UBE2L3: variants seen among roughly 807,000 people sequenced by gnomAD.
UBE2L3 encodes the protein ubiquitin conjugating enzyme E2 L3.
Under a neutral mutation model 17.8 loss-of-function variants are expected in UBE2L3, and 1 was observed. The observed-to-expected ratio is 0.06, with a 90% CI of 0.02 to 0.27. The LOEUF is 0.27. UBE2L3 is among the 10% of genes least tolerant of loss of function. The pLI is 1.00. For synonymous variants in UBE2L3, 44 were observed against 68.5 expected (o/e 0.64, Z 1.76); for missense variants, 40 against 192.6 (o/e 0.21, Z 4.69).
intron 2 of UBE2L3, among the ~76,000 whole-genome samples, chr22:21,603,907 ATTTTTTTTT>A (rs144747629): frequency 5.4e-5 from 6 of 111,326 alleles, no homozygotes; most frequent in Admixed American, 3.1e-4. Flanking sequence ...GTGTTTTTTG[ATTTTTTTTT>A]TTTTTTTTTT....
At chr22:21,589,761 A>G (rs188501500) in intron 1 of UBE2L3, among the ~76,000 whole-genome samples, 1 of 152,246 alleles carries the variant, frequency 6.6e-6, no homozygotes, top group African/African-American at 2.4e-5. Context: ...TTTGCCTTAT[A>G]ATCAGTTCTT....
chr22:21,560,841 TTC>T (rs1926407268), intron 1 of UBE2L3, among the ~76,000 whole-genome samples: 1 of 152,196 alleles, frequency 6.6e-6, no homozygotes, highest in Non-Finnish European at 1.5e-5. Flanking sequence ...TGACCATTTG[TTC>T]TGTCATTTGG....
At chr22:21,619,061 C>A (rs1037438674) in intron 3 of UBE2L3, among the ~76,000 whole-genome samples, 1 of 152,080 alleles carries the variant, frequency 6.6e-6, no homozygotes, top group Non-Finnish European at 1.5e-5. Context: ...AGGGCCATTT[C>A]TAATCATGGG....
chr22:21,615,461 A>C (rs920173619), intron 3 of UBE2L3, among the ~76,000 whole-genome samples: 2 of 149,732 alleles, frequency 1.3e-5, no homozygotes, highest in African/African-American at 2.5e-5. Context: ...AGGCTGAGGC[A>C]GGAGAATGGC....
chr22:21,557,435 A>G (rs1270408644), intron 1 of UBE2L3, among the ~76,000 whole-genome samples: 2 of 152,286 alleles, frequency 1.3e-5, no homozygotes, highest in East Asian at 3.8e-4. Flanking sequence ...AAAATAAATT[A>G]AACAGAAATA....
At chr22:21,567,143 T>C (rs946495947), upstream of UBE2L3, among the ~76,000 whole-genome samples, 3 of 152,090 alleles carry the variant, frequency 2.0e-5, no homozygotes, top group Non-Finnish European at 4.4e-5. Flanking sequence ...CTTGGCAGTG[T>C]GAAGTAACCT....
At chr22:21,572,601 C>T (rs1466300260) in intron 1 of UBE2L3, among the ~76,000 whole-genome samples, 3 of 152,086 alleles carry the variant, frequency 2.0e-5, no homozygotes, top group African/African-American at 7.2e-5. Context: ...TAAGATATTT[C>T]TATATTCTTT....
At chr22:21,574,239 A>T (rs184300754) in intron 1 of UBE2L3, among the ~76,000 whole-genome samples, 64 of 152,324 alleles carry the variant, frequency 4.2e-4, no homozygotes, top group African/African-American at 1.4e-3. Context: ...GGAAGACTAC[A>T]GCATAGCAGT....
chr22:21,573,866 T>G (rs1927116699), intron 1 of UBE2L3, among the ~76,000 whole-genome samples: 1 of 152,204 alleles, frequency 6.6e-6, no homozygotes, highest in South Asian at 2.1e-4. Flanking sequence ...TACCCCAGAT[T>G]GGCATGTCCA....
chr22:21,573,381 T>C (rs2059498932), intron 1 of UBE2L3, among the ~76,000 whole-genome samples: 1 of 152,124 alleles, frequency 6.6e-6, no homozygotes, highest in Non-Finnish European at 1.5e-5. Flanking sequence ...GTGATTGGCA[T>C]CCCTGTCTCT....
intron 3 of UBE2L3, among the ~76,000 whole-genome samples, chr22:21,620,250 T>A (rs115246629): frequency 0.013 from 1,971 of 151,724 alleles, 46 homozygotes; most frequent in African/African-American, 0.046. Context: ...TGCACCACTG[T>A]ACTCTAGCCT....
At chr22:21,567,368 TTG>T (rs1479061409), upstream of UBE2L3, among the ~76,000 whole-genome samples, 4 of 152,188 alleles carry the variant, frequency 2.6e-5, no homozygotes, top group African/African-American at 9.7e-5. Context: ...TTTCACCACG[TTG>T]GCCAGGCTGG....
At chr22:21,579,295 G>A (rs1240415003) in intron 1 of UBE2L3, among the ~76,000 whole-genome samples, 4 of 151,798 alleles carry the variant, frequency 2.6e-5, no homozygotes, top group Non-Finnish European at 5.9e-5. Context: ...CCCAGCCCCA[G>A]GTGTAATTAG....
At chr22:21,600,883 G>A (rs1928820538) in intron 2 of UBE2L3, among the ~76,000 whole-genome samples, 1 of 151,864 alleles carries the variant, frequency 6.6e-6, no homozygotes, top group South Asian at 2.1e-4. Flanking sequence ...AATACTTAAA[G>A]GCAAGGAGGG....
Position 21,567,918 on chromosome 22 carries a change from A to G in UBE2L3, c.27+147A>G, listed in dbSNP as rs1222868062. The G allele has an allele frequency of 8.0e-6, 12 of 1,497,836 alleles. No homozygotes were observed. In the East Asian group the frequency reaches 2.2e-4, roughly 28 times the overall value. The allele number at this position is 1,497,836 out of a possible 1,614,324, so 92.8% of individuals were successfully genotyped here. On this transcript the variant is annotated intron_variant, in intron 1 of 3. Coordinates refer to ENST00000342192, the MANE Select transcript of UBE2L3 (RefSeq NM_003347.4). ...GGTTCCCTGGGCCGCGCGCAGGCTC[A>G]AGGTGCTAACGGGGCTGGCCTAGGC...
chr22:21,597,780 T>G (rs1446192377), intron 2 of UBE2L3, among the ~76,000 whole-genome samples: 5 of 80,004 alleles, frequency 6.2e-5, no homozygotes, highest in African/African-American at 2.7e-4. Flanking sequence ...TGTAGATTTT[T>G]TTTTTTTTTT....
At chr22:21,608,072 A>G (rs1929270653) in intron 2 of UBE2L3, among the ~76,000 whole-genome samples, 1 of 152,212 alleles carries the variant, frequency 6.6e-6, no homozygotes, top group South Asian at 2.1e-4. Context: ...AAAACTCTAT[A>G]ATAAGAAAAC....
intron 2 of UBE2L3, among the ~76,000 whole-genome samples, chr22:21,596,137 T>G (rs1212138250): frequency 6.6e-6 from 1 of 152,206 alleles, no homozygotes; most frequent in Non-Finnish European, 1.5e-5. Context: ...GTGCTGGGAT[T>G]ACAAGCGTGA....
intron 2 of UBE2L3, among the ~76,000 whole-genome samples, chr22:21,596,222 G>A (rs780309089): frequency 7.2e-5 from 11 of 151,996 alleles, no homozygotes; most frequent in Non-Finnish European, 1.0e-4. Flanking sequence ...GTTTTTTGAG[G>A]CAGGGTTTTG....
Sources: allele counts gnomAD v4.1 joint callset (sites outside exome capture counted in the v4.1 genomes callset), GRCh38; gene constraint gnomAD v4.1.1; transcripts MANE v1.5; gene names NCBI Gene and HGNC (gene_info 2026-07-23, HGNC 2026-07-21).